The following WDR76 variants were observed in gnomAD, a reference collection of about 807,000 sequenced individuals.
The protein encoded by WDR76 is WD repeat domain 76.
WDR76 carries 52 observed loss-of-function variants against 70.2 expected under a neutral mutation model. The observed-to-expected ratio is 0.74, with a 90% CI of 0.59 to 0.93. The LOEUF (loss-of-function observed/expected upper bound fraction) is 0.93, where lower values mean the gene tolerates loss of function less well. Ranked by LOEUF, WDR76 falls within the 40% of genes least tolerant of loss-of-function variation. The probability of loss-of-function intolerance (pLI) is 0.00; values close to 1 mark genes in which losing one functional copy is unlikely to be tolerated. For missense variants in WDR76, 756 were observed against 760.2 expected, an observed-to-expected ratio of 0.99 and a Z score of 0.07; for synonymous variants, 292 against 271.1, an observed-to-expected ratio of 1.08 and a Z score of -0.76.
In WDR76 at chr15:43,842,458, A is replaced by C; in HGVS notation, c.776A>C (p.Gln259Pro). 2 of 1,614,136 alleles carry C rather than the reference A, an allele frequency of 1.2e-6. No individual in the cohort carries two copies. The highest frequency in any genetic ancestry group is 1.7e-6 in the Non-Finnish European group (2 of 1,180,018). Residue 259 changes from glutamine (Q) to proline (P), a missense_variant, in exon 6 of 13, where the codon CAA becomes CCA. Physicochemically the swap from Gln to Pro is moderately conservative, Grantham distance 76 (BLOSUM62 -1). Coordinates refer to ENST00000263795, the MANE Select transcript of WDR76 (RefSeq NM_024908.4). ...CCTTTAGAAATGACTTCTGAAAATC[A>C]AGAAGACAACAATGAACGATTTAAA... ...PGPLEMTSEN[Q>P]EDNNERFKGF... is the part of the protein sequence containing the mutation.
chr15:43,834,381 A>T (rs1199690272), intron 2 of WDR76, among the ~76,000 whole-genome samples: 1 of 147,922 alleles, frequency 6.8e-6, no homozygotes, highest in Admixed American at 6.7e-5. Flanking sequence ...GCTTGCTGCA[A>T]CCCCCACCTC....
At position 43,866,286 on chromosome 15, in the gene WDR76, T is replaced by C. The variant is rs1253543809; in HGVS notation, c.1775T>C (p.Leu592Pro). The change falls in exon 13 of 13, where the codon CTT (leucine) becomes CCT (proline). Residue 592 changes from leucine (L) to proline (P), a missense_variant. Physicochemically the swap from Leu to Pro is moderately conservative, Grantham distance 98 (BLOSUM62 -3). Transcript: ENST00000263795. The part of the protein sequence containing the change: ...KRVHSFGGEY[L>P]VSVCSINAMH... The stretch of plus-strand genomic sequence containing the variant: ...GTGCATTCGTTTGGTGGAGAATACC[T>C]TGTCTCTGTGTGTTCCATCAATGCC... 4 of 1,614,102 alleles carry C rather than the reference T, an allele frequency of 2.5e-6. No individual in the cohort carries two copies. The highest frequency in any genetic ancestry group is 2.2e-5 in the South Asian group (2 of 91,070).
At chr15:43,841,204 T>G (rs1457029548) in intron 5 of WDR76, among the ~76,000 whole-genome samples, 1 of 142,862 alleles carries the variant, frequency 7.0e-6, no homozygotes, top group Non-Finnish European at 1.5e-5. Flanking sequence ...TTTTTTTGTT[T>G]TTTTTTTTTT....
At chr15:43,864,600 C>CT (rs929231455) in intron 12 of WDR76, among the ~76,000 whole-genome samples, 61 of 145,264 alleles carry the variant, frequency 4.2e-4, no homozygotes, top group East Asian at 1.8e-3. Context: ...TATTTGTTTT[C>CT]TTTTTTTTTT....
Position 43,866,391 on chromosome 15 carries a change from G to A in WDR76, c.1880G>A (p.Ter627=). The change falls in exon 13 of 13, where the codon TGA becomes TAA. Residue 627 remains the stop codon, a stop_retained_variant. Transcript: ENST00000263795. ...GTTTTTATGAATGAAAAAAGCTGCT[G>A]AGTTTTTGGTTTAGGAACATCAATT... ...IHVFMNEKSC[*] is the part of the protein sequence containing the mutation. 1 of 1,613,524 alleles carries A rather than the reference G, an allele frequency of 6.2e-7. No homozygotes were observed. The highest frequency in any genetic ancestry group is 8.5e-7 in the Non-Finnish European group (1 of 1,179,488).
At chr15:43,854,907 T>C (rs494774) in intron 9 of WDR76, among the ~76,000 whole-genome samples, 143,144 of 151,386 alleles carry the variant, frequency 0.95, 68,180 homozygotes, top group East Asian at 1. Flanking sequence ...GCCAAGATTG[T>C]GCCATTGTAC....
rs1596068127 is a variant in WDR76 at position 43,834,972 on chromosome 15, T to A, written c.463-89T>A. On this transcript the variant is annotated intron_variant, in intron 2 of 12. Coordinates refer to ENST00000263795, the MANE Select transcript of WDR76 (RefSeq NM_024908.4). ...GATAGTACAATTTGAAGTAAAGTAT[T>A]CATGTAGAAAATGAAACATGTAGTT... The A allele has an allele frequency of 4.8e-6, 5 of 1,049,576 alleles. No homozygotes were observed. The East Asian group carries it at 1.2e-4, about 25-fold the overall frequency. 65.0% of individuals were successfully genotyped at this position (1,049,576 alleles called of 1,614,324 possible).
Position 43,836,156 on chromosome 15 carries a change from T to C in WDR76, c.553-5T>C, listed in dbSNP as rs1237496009. The C allele has an allele frequency of 2.5e-6, 4 of 1,603,752 alleles. No individual in the cohort carries two copies. Among genetic ancestry groups the C allele is most frequent in the South Asian group, 2.3e-5 (2 of 88,156 alleles). On this transcript the variant is annotated splice_region_variant and splice_polypyrimidine_tract_variant and intron_variant, in intron 3 of 12. Transcript: ENST00000263795. Reference sequence around the variant, plus strand: ...ACATTTTTACATGATTTTTATACTTTACAGTCTGCTGCAAGACTCCGTGAA... The same window carrying C: ...ACATTTTTACATGATTTTTATACTTCACAGTCTGCTGCAAGACTCCGTGAA...
chr15:43,844,189 C>A, intron 8 of WDR76, 135 bp downstream of exon 8: 2 of 724,708 alleles, frequency 2.8e-6, no homozygotes, highest in South Asian at 4.0e-5. Context: ...TTTATGATTC[C>A]AAATTTTAGA....
rs1004739328 is a variant in WDR76, at chr15:43,858,871, A to G, written c.1562+48A>G. 3 of 1,585,402 alleles carry G rather than the reference A, an allele frequency of 1.9e-6. No homozygotes were observed. The African/African-American group carries it at 4.1e-5, about 22-fold the overall frequency. ...TTTTTAGGGAATCTAAAGAGTCTAT[A>G]GCTACTGTGTCAGTAAACCAAAAGC... On this transcript the variant is annotated intron_variant, in intron 11 of 12. Transcript: ENST00000263795.
At chr15:43,865,006 C>A (rs991011622) in intron 12 of WDR76, among the ~76,000 whole-genome samples, 1 of 152,228 alleles carries the variant, frequency 6.6e-6, no homozygotes, top group Admixed American at 6.5e-5. Context: ...CTCGCTGCAA[C>A]CTCCACCTCC....
chr15:43,838,979 A>G (rs886142130), intron 4 of WDR76, among the ~76,000 whole-genome samples: 1 of 152,194 alleles, frequency 6.6e-6, no homozygotes, highest in Non-Finnish European at 1.5e-5. Context: ...GTGGACTATA[A>G]CTGATAATTT....
chr15:43,844,863 G>GAGTTGAT (rs1567186738), intron 8 of WDR76, among the ~76,000 whole-genome samples: 9 of 116,308 alleles, frequency 7.7e-5, no homozygotes, highest in Non-Finnish European at 1.1e-4. Flanking sequence ...GGGAGGGGGA[G>GAGTTGAT]CTTGCAGTGA....
chr15:43,827,070 C>G lies in WDR76; in HGVS notation c.38C>G (p.Ser13Cys), dbSNP rs1336977962. The G allele has an allele frequency of 1.2e-6, 2 of 1,614,118 alleles. No individual in the cohort carries two copies. Among genetic ancestry groups the G allele is most frequent in the East Asian group, 2.2e-5 (1 of 44,872 alleles). Residue 13 changes from serine (S) to cysteine (C), a missense_variant, in exon 1 of 13, where the codon TCC (serine) becomes TGC (cysteine). Transcript: ENST00000263795. ...RSGAAAEKAD[S>C]RQRPQMKVNE... is the part of the protein sequence containing the mutation. ...GGCGCGGCGGCTGAGAAGGCGGACT[C>G]CAGACAGCGACCCCAGATGAAGGTG...
At chr15:43,855,616 ATTC>A (rs1173924100) in intron 9 of WDR76, among the ~76,000 whole-genome samples, 1 of 152,156 alleles carries the variant, frequency 6.6e-6, no homozygotes, top group Non-Finnish European at 1.5e-5. Flanking sequence ...TTTATTTTTT[ATTC>A]TTTATGTGCA....
Position 43,839,737 on chromosome 15 carries a change from A to G in WDR76, c.732+9A>G. On this transcript the variant is annotated intron_variant, in intron 5 of 12. Coordinates refer to ENST00000263795, the MANE Select transcript of WDR76 (RefSeq NM_024908.4). ...TAGTAGCAGATGAAACTGTAAGGAA[A>G]TGTGCAAATATAATATTTTAATGTA... is the stretch of plus-strand genomic sequence containing the variant. 6.3e-7 allele frequency: 1 copy of G among 1,588,628 alleles called. No individual in the cohort carries two copies. The highest frequency in any genetic ancestry group is 8.6e-7 in the Non-Finnish European group (1 of 1,169,488).
chr15:43,845,185 G>A (rs1226558095), intron 8 of WDR76, among the ~76,000 whole-genome samples: 1 of 149,014 alleles, frequency 6.7e-6, no homozygotes, highest in African/African-American at 2.4e-5. Flanking sequence ...TCCTGACCTC[G>A]TGATCTGCCT....
intron 2 of WDR76, among the ~76,000 whole-genome samples, chr15:43,830,103 C>T (rs2087568322): frequency 6.6e-6 from 1 of 151,058 alleles, no homozygotes; most frequent in Non-Finnish European, 1.5e-5. Flanking sequence ...CTGAGCTCAA[C>T]CAGTCCTCCA....
In WDR76 at chr15:43,842,480, T is replaced by A. The variant is rs754592674; in HGVS notation, c.798T>A (p.Phe266Leu). 6.2e-7 allele frequency: 1 copy of A among 1,614,092 alleles called. No individual in the cohort carries two copies. The highest frequency in any genetic ancestry group is 1.3e-5 in the African/African-American group (1 of 75,038). ...SENQEDNNER[F>L]KGFLHTWAGM... ...ATCAAGAAGACAACAATGAACGATTTAAAGGATTTCTGCACACATGGGCAG... is the reference window on the plus strand; with the variant it reads ...ATCAAGAAGACAACAATGAACGATTAAAAGGATTTCTGCACACATGGGCAG... Residue 266 changes from phenylalanine (F) to leucine (L), a missense_variant, in exon 6 of 13, where the codon TTT becomes TTA. By Grantham distance (22) the Phe-to-Leu change is conservative. Transcript: ENST00000263795.
Sources: allele counts gnomAD v4.1 joint callset (sites outside exome capture counted in the v4.1 genomes callset), GRCh38; gene constraint gnomAD v4.1.1; transcripts MANE v1.5; gene names NCBI Gene and HGNC (gene_info 2026-07-23, HGNC 2026-07-21).